GFPT1: variants seen among roughly 807,000 people sequenced by gnomAD.
GFPT1 encodes glutamine--fructose-6-phosphate aminotransferase [isomerizing] 1.
A neutral mutation model predicts 92.0 loss-of-function variants in GFPT1; 40 were observed. That is an observed-to-expected ratio of 0.43 (90% confidence interval 0.34 to 0.57). The LOEUF (loss-of-function observed/expected upper bound fraction) is 0.57. Among genes scored for constraint, GFPT1 ranks in the 20% least tolerant of loss-of-function variants. The probability of loss-of-function intolerance (pLI) is 0.02; values close to 1 mark genes in which losing one functional copy is unlikely to be tolerated. For missense variants in GFPT1, 448 were observed against 869.1 expected, an observed-to-expected ratio of 0.52 and a Z score of 6.09; for synonymous variants, 269 against 280.6, an observed-to-expected ratio of 0.96 and a Z score of 0.41.
At chr2:69,370,785 T>A (rs1276308711) in intron 2 of GFPT1, among the ~76,000 whole-genome samples, 2 of 152,136 alleles carry the variant, frequency 1.3e-5, no homozygotes, top group Non-Finnish European at 2.9e-5. Flanking sequence ...AGGAGAAGTG[T>A]GGAATACCTC....
At chr2:69,372,532 C>CATGAA (rs1279376756) in intron 2 of GFPT1, among the ~76,000 whole-genome samples, 2 of 151,862 alleles carry the variant, frequency 1.3e-5, no homozygotes, top group African/African-American at 2.4e-5. Context: ...GAGATCGCAC[C>CATGAA]ATTGCACTCC....
At chr2:69,346,705 T>G (rs189440533) in intron 11 of GFPT1, among the ~76,000 whole-genome samples, 239 of 152,144 alleles carry the variant, frequency 1.6e-3, no homozygotes, top group East Asian at 4.6e-3. Context: ...TATATATATA[T>G]AGAGTTATGC....
chr2:69,367,731 T>A (rs1671645293), intron 3 of GFPT1, among the ~76,000 whole-genome samples: 2 of 152,152 alleles, frequency 1.3e-5, no homozygotes, highest in South Asian at 4.1e-4. Flanking sequence ...TTTGCAACAG[T>A]GAATCTTGTT....
In GFPT1 at chr2:69,377,261, T is replaced by A. The variant is rs546520296; in HGVS notation, c.8-3148A>T. On this transcript the variant is annotated intron_variant, in intron 1 of 19. Coordinates refer to ENST00000357308, the MANE Select transcript of GFPT1 (RefSeq NM_001244710.2). ...AATGCAATATTAAATTCACTGTTTT[T>A]AATAATGTAACTCAACAACAGCATT... Among the ~76,000 whole-genome samples the A allele has an allele frequency of 4.6e-5, 7 of 151,272 alleles. No individual in the cohort carries two copies. The East Asian group carries it at 1.4e-3, about 29-fold the overall frequency.
intron 3 of GFPT1, 62 bp downstream of exon 3, chr2:69,369,939 G>A: frequency 1.1e-6 from 1 of 934,064 alleles, no homozygotes; most frequent in Non-Finnish European, 1.8e-6. Flanking sequence ...ACTTAGAGGA[G>A]AATGGGGAGG....
At chr2:69,352,612 C>CCAA (rs1553390326) in intron 9 of GFPT1, among the ~76,000 whole-genome samples, 1 of 47,378 alleles carries the variant, frequency 2.1e-5, no homozygotes, top group Non-Finnish European at 3.8e-5. Context: ...GACTTCGTCT[C>CCAA]AAAAAAAAAA....
chr2:69,370,504 G>A (rs886212285), intron 2 of GFPT1, among the ~76,000 whole-genome samples: 1 of 152,184 alleles, frequency 6.6e-6, no homozygotes, highest in Admixed American at 6.6e-5. Context: ...TCCTTAAGTT[G>A]CTAAGGAATT....
At chr2:69,373,963 T>G in intron 2 of GFPT1, 43 bp downstream of exon 2, 1 of 920,584 alleles carries the variant, frequency 1.1e-6, no homozygotes, top group South Asian at 1.3e-5. Flanking sequence ...ATAGTATCTA[T>G]TTAAAGAATC....
rs139859510 is a variant in GFPT1 at position 69,348,900 on chromosome 2, G to A, written c.846-566C>T. Among the ~76,000 whole-genome samples, 748 of 152,172 alleles carry A rather than the reference G, an allele frequency of 4.9e-3. 7 individuals are homozygous for A. Among genetic ancestry groups the A allele is most frequent in the African/African-American group, 0.017 (714 of 41,522 alleles). On this transcript the variant is annotated intron_variant, in intron 10 of 19. Transcript: ENST00000357308. ...CGTAATCCCTATACCTCCTTCTCCA[G>A]CTTCATCTCCCCCCAAGCTTCCTCT...
chr2:69,355,801 T>C (rs1399227832), intron 7 of GFPT1, among the ~76,000 whole-genome samples: 1 of 152,068 alleles, frequency 6.6e-6, no homozygotes, highest in East Asian at 1.9e-4. Context: ...CTAAATATCC[T>C]AGCAAGAAGT....
chr2:69,386,429 A>C (rs566739105), intron 1 of GFPT1, among the ~76,000 whole-genome samples: 1 of 152,214 alleles, frequency 6.6e-6, no homozygotes, highest in East Asian at 1.9e-4. Context: ...CAAATGATAA[A>C]TTATGTATAA....
intron 15 of GFPT1, among the ~76,000 whole-genome samples, chr2:69,336,154 C>A (rs1416545193): frequency 6.6e-6 from 1 of 151,330 alleles, no homozygotes; most frequent in African/African-American, 2.4e-5. Flanking sequence ...GCCTGGCCAA[C>A]ATGGTGAAAC....
At chr2:69,376,316 C>A (rs887202700) in intron 1 of GFPT1, among the ~76,000 whole-genome samples, 1 of 152,214 alleles carries the variant, frequency 6.6e-6, no homozygotes, top group Non-Finnish European at 1.5e-5. Context: ...CAAGACCAGC[C>A]TGGCCAACAT....
intron 14 of GFPT1, 41 bp downstream of exon 14, chr2:69,338,404 G>A (rs749374524): frequency 6.4e-7 from 1 of 1,551,884 alleles, no homozygotes; most frequent in South Asian, 1.1e-5. Context: ...TTATTAGAAA[G>A]AATAACTTTC....
intron 1 of GFPT1, among the ~76,000 whole-genome samples, chr2:69,385,918 T>C (rs1425733697): frequency 6.6e-6 from 1 of 151,752 alleles, no homozygotes; most frequent in African/African-American, 2.4e-5. Context: ...ACAGGAAATA[T>C]ATACACTAAC....
At chr2:69,340,547 C>G (rs1202473752) in intron 13 of GFPT1, among the ~76,000 whole-genome samples, 1 of 152,006 alleles carries the variant, frequency 6.6e-6, no homozygotes, top group East Asian at 1.9e-4. Context: ...AAGGTCAGCA[C>G]CAAGGTCTGA....
intron 7 of GFPT1, among the ~76,000 whole-genome samples, chr2:69,356,054 C>T (rs1168819419): frequency 1.5e-5 from 2 of 133,796 alleles, no homozygotes; most frequent in South Asian, 2.4e-4. Flanking sequence ...TGCAGTGGCA[C>T]GATCTCGGCT....
chr2:69,331,419 A>G (rs1405757834), intron 15 of GFPT1, among the ~76,000 whole-genome samples: 1 of 152,198 alleles, frequency 6.6e-6, no homozygotes, highest in Non-Finnish European at 1.5e-5. Context: ...GGGTGGTCAG[A>G]TTCTACTTTG....
At chr2:69,374,151 T>C (rs1558778955) in intron 1 of GFPT1, 38 bp from the exon 2 acceptor site, 1 of 1,022,184 alleles carries the variant, frequency 9.8e-7, no homozygotes, top group East Asian at 2.5e-5. Context: ...AATTCTGATT[T>C]AAAAAATCAA....
Sources: gnomAD v4.1 joint callset for allele counts (sites outside exome capture counted in the v4.1 genomes callset) on GRCh38, gnomAD v4.1.1 for gene constraint, MANE v1.5 for transcripts, NCBI Gene and HGNC (gene_info 2026-07-23, HGNC 2026-07-21) for gene names.